The following AEBP2 variants were observed in gnomAD, a reference collection of about 807,000 sequenced individuals.
AEBP2 encodes the protein zinc finger protein AEBP2.
AEBP2 carries 10 observed loss-of-function variants against 50.8 expected under a neutral mutation model. The observed-to-expected ratio is 0.20, with a 90% confidence interval of 0.12 to 0.33. The LOEUF (loss-of-function observed/expected upper bound fraction) is 0.33, where lower values mean the gene tolerates loss of function less well. Among genes scored for constraint, AEBP2 ranks in the 10% least tolerant of loss-of-function variants. The pLI is 1.00. For missense variants in AEBP2, 570 were observed against 688.0 expected (o/e 0.83, Z 1.92); for synonymous variants, 296 against 261.3 (o/e 1.13, Z -1.28).
intron 1 of AEBP2, among the ~76,000 whole-genome samples, chr12:19,455,639 T>A (rs969458877): frequency 2.6e-5 from 4 of 152,190 alleles, no homozygotes; most frequent in African/African-American, 9.6e-5. Flanking sequence ...GATGTATGAG[T>A]GAGACAGGCT....
intron 1 of AEBP2, 33 bp downstream of exon 1, chr12:19,440,403 C>T: frequency 6.8e-7 from 1 of 1,462,454 alleles, no homozygotes; most frequent in Non-Finnish European, 9.0e-7. Flanking sequence ...CCTTCCCTTC[C>T]TCCTCTTGAA....
intron 1 of AEBP2, among the ~76,000 whole-genome samples, chr12:19,426,081 G>A (rs751439945): frequency 1.3e-4 from 20 of 151,996 alleles, no homozygotes; most frequent in African/African-American, 3.6e-4. Context: ...GACTACAGGC[G>A]TGCACCACCA....
chr12:19,422,516 G>A (rs904789477), intron 1 of AEBP2, among the ~76,000 whole-genome samples: 5 of 149,092 alleles, frequency 3.4e-5, no homozygotes, highest in Admixed American at 2.7e-4. Context: ...TTTTTTTTGA[G>A]ACAGAGTTTT....
At chr12:19,483,675 C>T (rs1948763973) in intron 3 of AEBP2, among the ~76,000 whole-genome samples, 1 of 152,160 alleles carries the variant, frequency 6.6e-6, no homozygotes, top group South Asian at 2.1e-4. Flanking sequence ...CTTTTCATAT[C>T]AGTTCATAGT....
chr12:19,458,173 A>G (rs1434223575), intron 1 of AEBP2, among the ~76,000 whole-genome samples: 4 of 152,216 alleles, frequency 2.6e-5, no homozygotes, highest in African/African-American at 9.6e-5. Context: ...TCCTGTCACA[A>G]TCAGAAGTTA....
intron 5 of AEBP2, among the ~76,000 whole-genome samples, chr12:19,502,877 A>G (rs943703368): frequency 6.6e-6 from 1 of 151,780 alleles, no homozygotes; most frequent in Non-Finnish European, 1.5e-5. Flanking sequence ...CGAACTCCCA[A>G]CCTCAGGTGA....
chr12:19,493,501 A>G (rs1408028181), intron 3 of AEBP2, among the ~76,000 whole-genome samples: 1 of 152,230 alleles, frequency 6.6e-6, no homozygotes, highest in African/African-American at 2.4e-5. Context: ...GATTAATTCA[A>G]AACCAGATTT....
At chr12:19,413,584 T>TAA in intron 1 of AEBP2, 2 of 600,564 alleles carry the variant, frequency 3.3e-6, no homozygotes, top group African/African-American at 3.8e-5. Context: ...TTATGCAAAA[T>TAA]AAAAAAAAAG....
chr12:19,456,657 G>A, intron 1 of AEBP2: 1 of 1,533,776 alleles, frequency 6.5e-7, no homozygotes, highest in Non-Finnish European at 9.0e-7. Flanking sequence ...GCTGTCACCA[G>A]CATCATTGCC....
intron 1 of AEBP2, among the ~76,000 whole-genome samples, chr12:19,417,404 C>G (rs2095743202): frequency 6.6e-6 from 1 of 151,904 alleles, no homozygotes; most frequent in Non-Finnish European, 1.5e-5. Flanking sequence ...TCACAGTTTT[C>G]TTATGATTCT....
chr12:19,478,818 T>C (rs1178102807), intron 3 of AEBP2, among the ~76,000 whole-genome samples: 2 of 152,178 alleles, frequency 1.3e-5, no homozygotes, highest in African/African-American at 4.8e-5. Flanking sequence ...CATTCCACTG[T>C]GGTCTGATAG....
chr12:19,490,080 C>T (rs1592763066), intron 3 of AEBP2, among the ~76,000 whole-genome samples: 1 of 135,554 alleles, frequency 7.4e-6, no homozygotes. Context: ...CTCCTGGGCT[C>T]AAGTGATTTT....
chr12:19,471,185 AGC>A (rs1555184434), intron 2 of AEBP2, among the ~76,000 whole-genome samples: 3 of 151,928 alleles, frequency 2.0e-5, no homozygotes, highest in Non-Finnish European at 4.4e-5. Context: ...GCATGATTAT[AGC>A]AGTTCATTGT....
chr12:19,453,612 T>TG lies in AEBP2; in HGVS notation c.672-8894dup, dbSNP rs1002561250. On this transcript the variant is annotated intron_variant, in intron 1 of 7. Coordinates refer to ENST00000266508, the MANE Select transcript of AEBP2 (RefSeq NM_153207.5). ...CTAATTTTTGTGTTTTTATTAGAGA[T>TG]GGGGTTTTGCCATGTTGGCTAGGCT... 2.8e-4 allele frequency among the ~76,000 whole-genome samples: 42 copies of TG among 151,824 alleles called. 1 individual carries two copies. Among genetic ancestry groups the TG allele is most frequent in the African/African-American group, 9.7e-4 (40 of 41,422 alleles).
At chr12:19,468,322 C>T (rs1286424758) in intron 2 of AEBP2, among the ~76,000 whole-genome samples, 1 of 152,090 alleles carries the variant, frequency 6.6e-6, no homozygotes, top group Non-Finnish European at 1.5e-5. Context: ...GATGGTGTCT[C>T]TCTTTTCTTT....
At chr12:19,437,414 A>C (rs1034701475), upstream of AEBP2, among the ~76,000 whole-genome samples, 2 of 152,108 alleles carry the variant, frequency 1.3e-5, no homozygotes, top group African/African-American at 4.8e-5. Flanking sequence ...ATGGGTGAGG[A>C]AAGGTATGGA....
At chr12:19,467,242 C>T (rs1304876179) in intron 2 of AEBP2, among the ~76,000 whole-genome samples, 1 of 151,302 alleles carries the variant, frequency 6.6e-6, no homozygotes, top group South Asian at 2.1e-4. Flanking sequence ...CATGAGAGTG[C>T]TTTCTGCAAT....
At chr12:19,490,390 GT>G (rs1300532266) in intron 3 of AEBP2, among the ~76,000 whole-genome samples, 1 of 152,102 alleles carries the variant, frequency 6.6e-6, no homozygotes, top group Admixed American at 6.6e-5. Context: ...TGAGTATCAG[GT>G]TTTTTATCGT....
In AEBP2 at chr12:19,518,877, A is replaced by G; in HGVS notation, c.*760A>G. 6.6e-6 allele frequency: 3 copies of G among 457,568 alleles called. No individual in the cohort carries two copies. The highest frequency in any genetic ancestry group is 1.1e-5 in the Non-Finnish European group (3 of 278,896). 28.3% of individuals were successfully genotyped at this position (457,568 alleles called of 1,614,324 possible). ...ATTTACCTATATAACTAATCTGTTA[A>G]CGGTTTTTGAAAAACCTTTCAAATT... On this transcript the variant is annotated 3_prime_UTR_variant, in exon 8 of 8. Transcript: ENST00000266508.
Sources: allele counts gnomAD v4.1 joint callset (sites outside exome capture counted in the v4.1 genomes callset), GRCh38; gene constraint gnomAD v4.1.1; transcripts MANE v1.5; gene names NCBI Gene and HGNC (gene_info 2026-07-23, HGNC 2026-07-21).